The following SDHAF4 variants were observed in gnomAD, a reference collection of about 807,000 sequenced individuals.
SDHAF4 encodes succinate dehydrogenase assembly factor 4, mitochondrial.
A neutral mutation model predicts 14.3 loss-of-function variants in SDHAF4; 14 were observed. The ratio of observed to expected loss-of-function variants is 0.98; its 90% CI spans 0.65 to 1.53. The LOEUF (loss-of-function observed/expected upper bound fraction) is 1.53, where lower values mean the gene tolerates loss of function less well. SDHAF4 is among the 40% of genes most tolerant of loss of function. SDHAF4 has a pLI of 0.00. For missense variants in SDHAF4, 141 were observed against 129.3 expected, an observed-to-expected ratio of 1.09 and a Z score of -0.44; for synonymous variants, 63 against 47.3, an observed-to-expected ratio of 1.33 and a Z score of -1.36.
intron 2 of SDHAF4, among the ~76,000 whole-genome samples, chr6:70,586,932 G>T (rs1765207956): frequency 6.6e-6 from 1 of 152,092 alleles, no homozygotes; most frequent in South Asian, 2.1e-4. Context: ...ACTTTGGGAG[G>T]CTGAGGCGGG....
intron 1 of SDHAF4, among the ~76,000 whole-genome samples, chr6:70,578,138 A>G (rs1229608422): frequency 1.3e-5 from 2 of 152,240 alleles, no homozygotes; most frequent in African/African-American, 4.8e-5. Context: ...AAGTACTTTG[A>G]GAAATCTCCA....
chr6:70,578,857 T>G (rs993802077), intron 1 of SDHAF4, among the ~76,000 whole-genome samples: 1 of 152,122 alleles, frequency 6.6e-6, no homozygotes, highest in Admixed American at 6.6e-5. Flanking sequence ...TAAAACAATC[T>G]TTTTTTAGAG....
downstream of SDHAF4, among the ~76,000 whole-genome samples, chr6:70,594,543 AGC>A (rs1765284702): frequency 6.6e-6 from 1 of 152,180 alleles, no homozygotes; most frequent in African/African-American, 2.4e-5. Flanking sequence ...AGTCTCCACC[AGC>A]GAGACCCCAT....
intron 2 of SDHAF4, among the ~76,000 whole-genome samples, chr6:70,583,682 A>G (rs937287999): frequency 2.0e-5 from 3 of 152,178 alleles, no homozygotes; most frequent in African/African-American, 7.2e-5. Flanking sequence ...AGCTAAACAA[A>G]AACAAAAACA....
intron 2 of SDHAF4, among the ~76,000 whole-genome samples, chr6:70,581,121 G>T (rs1802315735): frequency 6.6e-6 from 1 of 151,884 alleles, no homozygotes; most frequent in South Asian, 2.1e-4. Context: ...TAGAGATGGG[G>T]GTTTCACCAT....
chr6:70,598,184 C>A, the SDHAF4 span, among the ~76,000 whole-genome samples: 1 of 152,078 alleles, frequency 6.6e-6, no homozygotes, highest in African/African-American at 2.4e-5. Flanking sequence ...TTGAGACCAG[C>A]CTGGCTAATA....
intron 1 of SDHAF4, among the ~76,000 whole-genome samples, chr6:70,572,796 A>T (rs1417269624): frequency 1.3e-5 from 2 of 152,070 alleles, no homozygotes; most frequent in Non-Finnish European, 2.9e-5. Flanking sequence ...TCCTCTGTTC[A>T]GACTCGTGGG....
chr6:70,584,406 TC>T (rs113763473), intron 2 of SDHAF4, among the ~76,000 whole-genome samples: 6 of 152,286 alleles, frequency 3.9e-5, no homozygotes, highest in African/African-American at 1.4e-4. Flanking sequence ...GTTCATCCTC[TC>T]CCCACCTCCT....
At chr6:70,573,131 C>T (rs1581926558) in intron 1 of SDHAF4, among the ~76,000 whole-genome samples, 1 of 152,192 alleles carries the variant, frequency 6.6e-6, no homozygotes, top group South Asian at 2.1e-4. Context: ...GCACCACCGT[C>T]ATGCAGTCAT....
At chr6:70,573,548 G>A (rs1802213352) in intron 1 of SDHAF4, among the ~76,000 whole-genome samples, 1 of 151,542 alleles carries the variant, frequency 6.6e-6, no homozygotes. Context: ...ACAGGTGTGA[G>A]CCACAATGCC....
chr6:70,588,767 C>A lies in SDHAF4; in HGVS notation c.*43C>A. The A allele has an allele frequency of 1.8e-6, 2 of 1,100,178 alleles. No homozygotes were observed. Among genetic ancestry groups the A allele is most frequent in the Non-Finnish European group, 2.7e-6 (2 of 734,646 alleles). 68.2% of individuals were successfully genotyped at this position (1,100,178 alleles called of 1,614,324 possible). A position where few individuals can be genotyped will look rare whatever the true frequency, so the allele number is the denominator to read the frequency against. On this transcript the variant is annotated 3_prime_UTR_variant, in exon 3 of 3. Transcript: ENST00000370474. ...TTCAATATTGTTTTCTGAATATGTA[C>A]ATCTGAATTAACTTATTTCTGATTA...
chr6:70,569,762 T>G (rs982163349), intron 1 of SDHAF4, among the ~76,000 whole-genome samples: 12 of 152,226 alleles, frequency 7.9e-5, no homozygotes, highest in African/African-American at 2.7e-4. Context: ...AAATTTTGTC[T>G]TGATCCTTTT....
chr6:70,569,512 G>C (rs1324950280), intron 1 of SDHAF4, among the ~76,000 whole-genome samples: 1 of 152,182 alleles, frequency 6.6e-6, no homozygotes, highest in Non-Finnish European at 1.5e-5. Context: ...CCGAAGTGTT[G>C]GGATTACAGG....
At chr6:70,595,213 T>G in the SDHAF4 span, among the ~76,000 whole-genome samples, 1 of 152,200 alleles carries the variant, frequency 6.6e-6, no homozygotes, top group Admixed American at 6.5e-5. Context: ...TCTCAGAGGT[T>G]GGGCCTTCAG....
chr6:70,587,553 T>C (rs1409702600), intron 2 of SDHAF4, among the ~76,000 whole-genome samples: 1 of 152,142 alleles, frequency 6.6e-6, no homozygotes, highest in South Asian at 2.1e-4. Context: ...CTCTCCTGTT[T>C]TTTCCATATA....
intron 2 of SDHAF4, among the ~76,000 whole-genome samples, chr6:70,583,425 T>G (rs1765160837): frequency 6.6e-6 from 1 of 152,152 alleles, no homozygotes; most frequent in Non-Finnish European, 1.5e-5. Context: ...AAAAGTAAAA[T>G]TTTTATAAGT....
downstream of SDHAF4, among the ~76,000 whole-genome samples, chr6:70,591,457 G>A (rs1050363557): frequency 2.9e-5 from 4 of 139,318 alleles, no homozygotes; most frequent in African/African-American, 5.4e-5. Flanking sequence ...TCACCCTCCC[G>A]AGTAGCTGGG....
chr6:70,582,481 T>C (rs1470194390), intron 2 of SDHAF4, among the ~76,000 whole-genome samples: 1 of 152,186 alleles, frequency 6.6e-6, no homozygotes, highest in African/African-American at 2.4e-5. Flanking sequence ...TATCTTTCTT[T>C]GCACATTCCA....
At position 70,574,600 on chromosome 6, in the gene SDHAF4, T is replaced by C. The variant is rs541088374; in HGVS notation, c.65-4814T>C. 1.8e-3 allele frequency among the ~76,000 whole-genome samples: 272 copies of C among 152,250 alleles called. 1 individual carries two copies. Among genetic ancestry groups the C allele is most frequent in the Middle Eastern group, 3.4e-3 (1 of 294 alleles). On this transcript the variant is annotated intron_variant, in intron 1 of 2. Coordinates refer to ENST00000370474, the MANE Select transcript of SDHAF4 (RefSeq NM_145267.3). Reference sequence around the variant, plus strand: ...AAGTCCCACCTAGAACTACTCAGAATCTGCATTTTAACAAAATCCCCCAGG... The same window carrying C: ...AAGTCCCACCTAGAACTACTCAGAACCTGCATTTTAACAAAATCCCCCAGG...
Sources: gnomAD v4.1 joint callset for allele counts (sites outside exome capture counted in the v4.1 genomes callset) on GRCh38, gnomAD v4.1.1 for gene constraint, MANE v1.5 for transcripts, NCBI Gene and HGNC (gene_info 2026-07-23, HGNC 2026-07-21) for gene names.